Variants in SMCO2 observed in about 807,000 individuals in gnomAD.
SMCO2 encodes single-pass membrane protein with coiled-coil domains 2, also known as single-pass membrane and coiled-coil domain-containing protein 2.
In SMCO2, 25 loss-of-function variants were observed where a neutral mutation model predicts 29.5. The ratio of observed to expected loss-of-function variants is 0.85; its 90% CI spans 0.62 to 1.18. The LOEUF is 1.18. Ranked by LOEUF, SMCO2 falls within the 50% of genes most tolerant of loss-of-function variation. SMCO2 has a pLI of 0.00. For synonymous variants in SMCO2, 117 were observed against 123.3 expected, an observed-to-expected ratio of 0.95 and a Z score of 0.34; for missense variants, 348 against 344.5, an observed-to-expected ratio of 1.01 and a Z score of -0.08.
At chr12:27,482,618 A>G (rs545326140) in intron 4 of SMCO2, among the ~76,000 whole-genome samples, 1 of 152,302 alleles carries the variant, frequency 6.6e-6, no homozygotes, top group South Asian at 2.1e-4. Context: ...GGATTATTTA[A>G]AGTATGTTTT....
upstream of SMCO2, among the ~76,000 whole-genome samples, chr12:27,464,430 C>T (rs776880288): frequency 7.9e-5 from 12 of 152,098 alleles, no homozygotes; most frequent in East Asian, 5.8e-4. Context: ...CAGAAGAGGC[C>T]GGGCGCAATG....
the SMCO2 span, among the ~76,000 whole-genome samples, chr12:27,456,061 C>T: frequency 6.6e-6 from 1 of 152,094 alleles, no homozygotes; most frequent in South Asian, 2.1e-4. Context: ...ACTAAAAATA[C>T]AGAATTAGCC....
rs369680652 is a variant in SMCO2 at position 27,476,134 on chromosome 12, C to A, written c.362+1221C>A. 3.3e-5 allele frequency among the ~76,000 whole-genome samples: 5 copies of A among 152,178 alleles called. No individual in the cohort carries two copies. The East Asian group carries it at 7.7e-4, about 23-fold the overall frequency. ...CCTTGACCCAATGGTCATTCAGGAG[C>A]ATGTTGTTTAATTTCCATACATTTC... is the stretch of plus-strand genomic sequence containing the variant. On this transcript the variant is annotated intron_variant, in intron 4 of 7. Transcript: ENST00000298876.
At chr12:27,425,392 A>G in the SMCO2 span, 3 of 152,060 alleles carry the variant, frequency 2.0e-5, no homozygotes, top group African/African-American at 4.8e-5. Context: ...TACTATATAT[A>G]TTTCTGGGTA....
At chr12:27,436,153 C>T in the SMCO2 span, among the ~76,000 whole-genome samples, 1 of 152,176 alleles carries the variant, frequency 6.6e-6, no homozygotes, top group African/African-American at 2.4e-5. Context: ...GCTCCACCCT[C>T]ATGACCTAAT....
upstream of SMCO2, among the ~76,000 whole-genome samples, chr12:27,463,647 C>T (rs1949475254): frequency 1.3e-5 from 2 of 152,138 alleles, no homozygotes; most frequent in South Asian, 4.1e-4. Context: ...GCTCTGGGGT[C>T]AAATAAGTGC....
chr12:27,451,412 C>G, the SMCO2 span, among the ~76,000 whole-genome samples: 2 of 152,292 alleles, frequency 1.3e-5, no homozygotes, highest in East Asian at 1.9e-4. Context: ...AACCTCCCCC[C>G]TGCTGGTCCC....
chr12:27,454,102 A>C, the SMCO2 span, among the ~76,000 whole-genome samples: 1 of 152,040 alleles, frequency 6.6e-6, no homozygotes, highest in East Asian at 1.9e-4. Flanking sequence ...CTCCCACCTC[A>C]GCTTCCCGAG....
chr12:27,461,991 T>G (rs573280016), upstream of SMCO2, among the ~76,000 whole-genome samples: 1 of 152,364 alleles, frequency 6.6e-6, no homozygotes, highest in East Asian at 1.9e-4. Context: ...CTATTGTTGT[T>G]ATTTATCTTT....
exon 3 of SMCO2, chr12:27,472,833 TGAC>T (rs1371428166): frequency 5.8e-6 from 9 of 1,550,686 alleles, no homozygotes; most frequent in Admixed American, 3.9e-5. Flanking sequence ...ATGATGAGGA[TGAC>T]ATTTCCTCCG....
At chr12:27,429,124 T>C in the SMCO2 span, among the ~76,000 whole-genome samples, 1 of 152,142 alleles carries the variant, frequency 6.6e-6, no homozygotes, top group Admixed American at 6.5e-5. Flanking sequence ...TGTAAAATAA[T>C]TAAAACTTAT....
chr12:27,438,828 A>C, the SMCO2 span, among the ~76,000 whole-genome samples: 8,977 of 141,436 alleles, frequency 0.063, 863 homozygotes, highest in East Asian at 0.32. Context: ...GATCTTCACC[A>C]GCAACAAACC....
the SMCO2 span, among the ~76,000 whole-genome samples, chr12:27,430,663 G>A: frequency 6.6e-6 from 1 of 152,124 alleles, no homozygotes; most frequent in Non-Finnish European, 1.5e-5. Context: ...AATTTTGAGG[G>A]AATAAGAATA....
At chr12:27,447,802 A>C in the SMCO2 span, among the ~76,000 whole-genome samples, 1 of 151,912 alleles carries the variant, frequency 6.6e-6, no homozygotes, top group African/African-American at 2.4e-5. Flanking sequence ...TTTTAACAAG[A>C]TCCTAGAATG....
chr12:27,468,811 C>T (rs1402775657), intron 1 of SMCO2, among the ~76,000 whole-genome samples: 2 of 152,096 alleles, frequency 1.3e-5, no homozygotes, highest in African/African-American at 2.4e-5. Flanking sequence ...CCATAGGCTC[C>T]GTTAATACAC....
chr12:27,475,535 G>T, intron 4 of SMCO2, 47 bp from the exon 5 acceptor site: 6 of 1,495,938 alleles, frequency 4.0e-6, no homozygotes, highest in Non-Finnish European at 5.3e-6. Flanking sequence ...TATGTGAATT[G>T]TTTCCCATTT....
Position 27,474,928 on chromosome 12 carries a change from A to C in SMCO2, c.362+15A>C. On this transcript the variant is annotated intron_variant, in intron 4 of 7. Coordinates refer to ENST00000298876, the Ensembl canonical transcript of SMCO2. ...CTCCTTGAACTGTAAGTCTTGACAC[A>C]TGCAAGACAGAGCATTTAATAATGT... 6.5e-7 allele frequency: 1 copy of C among 1,549,394 alleles called. No individual in the cohort carries two copies. Among genetic ancestry groups the C allele is most frequent in the Non-Finnish European group, 8.7e-7 (1 of 1,145,938 alleles).
intron 3 of SMCO2, among the ~76,000 whole-genome samples, chr12:27,474,264 A>G (rs1385593544): frequency 6.6e-6 from 1 of 152,216 alleles, no homozygotes; most frequent in African/African-American, 2.4e-5. Flanking sequence ...CTGTTATCAC[A>G]TCTGGGAAAA....
chr12:27,460,864 C>T, the SMCO2 span, among the ~76,000 whole-genome samples: 1 of 152,162 alleles, frequency 6.6e-6, no homozygotes, highest in Admixed American at 6.6e-5. Flanking sequence ...CCTTTTCCAA[C>T]AGCCCAGAAA....
Sources: gnomAD v4.1 joint callset for allele counts (sites outside exome capture counted in the v4.1 genomes callset) on GRCh38, gnomAD v4.1.1 for gene constraint, MANE v1.5 for transcripts, NCBI Gene and HGNC (gene_info 2026-07-23, HGNC 2026-07-21) for gene names.